The following GSE1 variants were observed in gnomAD, a reference collection of about 807,000 sequenced individuals.
GSE1 encodes the protein genetic suppressor element 1.
A neutral mutation model predicts 112.6 loss-of-function variants in GSE1; 32 were observed. That is an observed-to-expected ratio of 0.28 (90% CI 0.21 to 0.38). The LOEUF is 0.38. GSE1 is among the 10% of genes least tolerant of loss of function. The pLI, the probability that GSE1 is intolerant of heterozygous loss-of-function variation, is 1.00. For synonymous variants in GSE1, 1,115 were observed against 735.6 expected (o/e 1.52, Z -8.35); for missense variants, 2,348 against 1,699.2 (o/e 1.38, Z -6.71).
At chr16:85,231,554 T>C (rs990343987) in intron 1 of GSE1, among the ~76,000 whole-genome samples, 3 of 151,932 alleles carry the variant, frequency 2.0e-5, no homozygotes, top group African/African-American at 7.3e-5. Context: ...AATAGACAGG[T>C]GGAAGTGTAG....
chr16:85,349,009 T>C (rs767156322), intron 1 of GSE1, among the ~76,000 whole-genome samples: 4 of 152,016 alleles, frequency 2.6e-5, no homozygotes, highest in Non-Finnish European at 2.9e-5. Flanking sequence ...GCGGCCCTAA[T>C]TGCAGTCACA....
rs771635930 is a variant in GSE1 at position 85,635,795 on chromosome 16, G to C, written c.226+1663G>C. ...CAGCTGTGTCTGCTTTGGGGCCTCT[G>C]GGCTCCACCCCTGGGTAACGCTGCA... On this transcript the variant is annotated intron_variant, in intron 2 of 15. Transcript: ENST00000253458. 1.2e-3 allele frequency among the ~76,000 whole-genome samples: 184 copies of C among 152,182 alleles called. 3 individuals are homozygous for C. Among genetic ancestry groups the C allele is most frequent in the Non-Finnish European group, 2.0e-3 (133 of 68,020 alleles).
chr16:85,240,333 G>A (rs1220808017), intron 1 of GSE1, among the ~76,000 whole-genome samples: 3 of 152,110 alleles, frequency 2.0e-5, no homozygotes, highest in Non-Finnish European at 2.9e-5. Context: ...TTCCCCAGCC[G>A]CACAGCCACA....
rs1402334593 is a variant in GSE1, at chr16:85,665,113, G to A, written c.2743G>A (p.Ala915Thr). The A allele has an allele frequency of 3.1e-6, 5 of 1,602,990 alleles. No homozygotes were observed. In the Admixed American group the frequency reaches 5.0e-5, roughly 16 times the overall value. Reference sequence around the variant, plus strand: ...GACAAACTCTCCGAGGGACAGTCCTGCCGTCTCCCTGAGTGGTAAGGGAAG... The same window carrying A: ...GACAAACTCTCCGAGGGACAGTCCTACCGTCTCCCTGAGTGGTAAGGGAAG... ...SLTNSPRDSPAVSLSEPATQQ... is the reference protein window; with the variant it reads ...SLTNSPRDSPTVSLSEPATQQ... The change falls in exon 12 of 16, where the codon GCC becomes ACC. Residue 915 changes from alanine to threonine, a missense_variant. Ala to Thr is a moderately conservative substitution (Grantham distance 58). Transcript: ENST00000253458.
chr16:85,319,760 G>T (rs1014115650), intron 1 of GSE1, among the ~76,000 whole-genome samples: 1 of 152,174 alleles, frequency 6.6e-6, no homozygotes, highest in African/African-American at 2.4e-5. Context: ...TGTTATTTCA[G>T]TTTGGTGTTA....
chr16:85,236,033 T>C (rs1003473476), intron 1 of GSE1, among the ~76,000 whole-genome samples: 24 of 151,196 alleles, frequency 1.6e-4, no homozygotes, highest in Non-Finnish European at 3.4e-4. Flanking sequence ...CGGCTGGGGC[T>C]GGGGCTGGGG....
intron 2 of GSE1, among the ~76,000 whole-genome samples, chr16:85,540,532 G>A (rs2044483046): frequency 6.6e-6 from 1 of 152,212 alleles, no homozygotes; most frequent in Non-Finnish European, 1.5e-5. Context: ...ATGCCCTTGG[G>A]GCAAATGTGG....
exon 1 of GSE1, chr16:85,170,474 G>T: frequency 1.0e-6 from 1 of 985,608 alleles, no homozygotes; most frequent in African/African-American, 1.7e-5. Flanking sequence ...CGGGGCTTCT[G>T]CACCTCCGAG....
At chr16:85,585,551 G>A (rs1240808569) in intron 1 of GSE1, among the ~76,000 whole-genome samples, 1 of 152,154 alleles carries the variant, frequency 6.6e-6, no homozygotes, top group African/African-American at 2.4e-5. Flanking sequence ...CTGCCCAGCT[G>A]GGTCTCCATG....
intron 1 of GSE1, among the ~76,000 whole-genome samples, chr16:85,583,898 C>T (rs2046566737): frequency 6.6e-6 from 1 of 152,188 alleles, no homozygotes; most frequent in African/African-American, 2.4e-5. Context: ...AGGCAGGCAG[C>T]TTTTATGTAA....
chr16:85,445,221 C>A (rs1043607725), intron 2 of GSE1, among the ~76,000 whole-genome samples: 2 of 152,240 alleles, frequency 1.3e-5, no homozygotes, highest in Admixed American at 1.3e-4. Flanking sequence ...TTGCTCTCCT[C>A]TCCCGGGAGC....
intron 1 of GSE1, among the ~76,000 whole-genome samples, chr16:85,279,902 A>G (rs567424968): frequency 1.7e-3 from 258 of 152,284 alleles, no homozygotes; most frequent in African/African-American, 5.8e-3. Context: ...CGGCGGCGTC[A>G]TTAGCCGGGG....
intron 8 of GSE1, among the ~76,000 whole-genome samples, chr16:85,660,766 G>C (rs1196084175): frequency 6.6e-6 from 1 of 151,952 alleles, no homozygotes; most frequent in African/African-American, 2.4e-5. Context: ...GAGTAGCTGG[G>C]ATTACAGGCA....
At chr16:85,628,033 GGGCA>G (rs2049226626) in intron 1 of GSE1, among the ~76,000 whole-genome samples, 2 of 152,282 alleles carry the variant, frequency 1.3e-5, no homozygotes, top group Admixed American at 1.3e-4. Flanking sequence ...AGGCCTGGAG[GGGCA>G]GGAGGCACGT....
At chr16:85,181,628 A>C (rs2074586362) in intron 1 of GSE1, among the ~76,000 whole-genome samples, 1 of 152,222 alleles carries the variant, frequency 6.6e-6, no homozygotes, top group Non-Finnish European at 1.5e-5. Context: ...CAGACCCATC[A>C]ACCTAGTCTC....
At chr16:85,433,843 G>T (rs1468153954) in intron 2 of GSE1, among the ~76,000 whole-genome samples, 2 of 152,010 alleles carry the variant, frequency 1.3e-5, no homozygotes, top group Non-Finnish European at 2.9e-5. Context: ...GTGGATAGAT[G>T]TTGGTTGTAC....
At chr16:85,592,061 C>A (rs1396373147) in intron 1 of GSE1, among the ~76,000 whole-genome samples, 4 of 152,336 alleles carry the variant, frequency 2.6e-5, no homozygotes, top group African/African-American at 9.6e-5. Flanking sequence ...CCGCCCCCCG[C>A]TCCCGTCAGT....
intron 1 of GSE1, among the ~76,000 whole-genome samples, chr16:85,320,268 G>C (rs2046074875): frequency 6.6e-6 from 1 of 152,172 alleles, no homozygotes; most frequent in African/African-American, 2.4e-5. Flanking sequence ...GCATGAGTTA[G>C]CCGACCTGTG....
At chr16:85,447,257 G>A (rs2049542710) in intron 2 of GSE1, among the ~76,000 whole-genome samples, 1 of 152,152 alleles carries the variant, frequency 6.6e-6, no homozygotes, top group Admixed American at 6.5e-5. Flanking sequence ...TCCGCACAAG[G>A]ATTCTTTCTT....
Sources: gnomAD v4.1 joint callset for allele counts (sites outside exome capture counted in the v4.1 genomes callset) on GRCh38, gnomAD v4.1.1 for gene constraint, MANE v1.5 for transcripts, NCBI Gene and HGNC (gene_info 2026-07-23, HGNC 2026-07-21) for gene names.